Variants in AP3D1 observed in about 807,000 individuals in gnomAD.
AP3D1 encodes the protein AP-3 complex subunit delta-1.
AP3D1 carries 51 observed loss-of-function variants against 147.6 expected under a neutral mutation model. The ratio of observed to expected loss-of-function variants is 0.35; its 90% CI spans 0.28 to 0.44. The LOEUF (loss-of-function observed/expected upper bound fraction) is 0.44, where lower values mean the gene tolerates loss of function less well. Among genes scored for constraint, AP3D1 ranks in the 20% least tolerant of loss-of-function variants. The pLI, the probability that AP3D1 is intolerant of heterozygous loss-of-function variation, is 1.00. For synonymous variants in AP3D1, 760 were observed against 663.0 expected (o/e 1.15, Z -2.25); for missense variants, 1,421 against 1,624.2 (o/e 0.87, Z 2.15).
intron 10 of AP3D1, 42 bp from the exon 11 acceptor site, chr19:2,123,448 C>A: frequency 1.2e-6 from 2 of 1,607,140 alleles, no homozygotes; most frequent in East Asian, 2.2e-5. Flanking sequence ...ATCCTCTAAA[C>A]CAAGGGTGAG....
intron 1 of AP3D1, among the ~76,000 whole-genome samples, chr19:2,142,203 G>A (rs902236012): frequency 1.3e-5 from 2 of 151,848 alleles, no homozygotes; most frequent in African/African-American, 2.4e-5. Flanking sequence ...TTTTTAGAGG[G>A]GGTTTAGCCA....
At chr19:2,110,526 G>C (rs1446096811) in intron 27 of AP3D1, among the ~76,000 whole-genome samples, 181 bp downstream of exon 27, 3 of 152,098 alleles carry the variant, frequency 2.0e-5, no homozygotes. Flanking sequence ...GTCCATCCGA[G>C]GCCATTGCGC....
chr19:2,163,176 C>G (rs563371458), intron 1 of AP3D1, among the ~76,000 whole-genome samples: 1 of 152,130 alleles, frequency 6.6e-6, no homozygotes, highest in African/African-American at 2.4e-5. Context: ...TGGGTTCAAG[C>G]GATTCTCCTA....
At chr19:2,118,249 A>G (rs2018512651) in intron 15 of AP3D1, among the ~76,000 whole-genome samples, 1 of 152,130 alleles carries the variant, frequency 6.6e-6, no homozygotes, top group African/African-American at 2.4e-5. Flanking sequence ...AGTCTGCTCA[A>G]CCTAGAACCC....
chr19:2,116,641 G>T lies in AP3D1; in HGVS notation c.1965C>A (p.His655Gln). 1 of 1,604,032 alleles carries T rather than the reference G, an allele frequency of 6.2e-7. No individual in the cohort carries two copies. The highest frequency in any genetic ancestry group is 8.5e-7 in the Non-Finnish European group (1 of 1,175,710). Residue 655 changes from histidine to glutamine, a missense_variant, in exon 17 of 32, where the codon CAC becomes CAA. By Grantham distance (24) the His-to-Gln change is conservative. This residue lies in a region of AP3D1 where 791 missense variants were observed against 761.4 expected (regional missense o/e 1.04). Coordinates refer to ENST00000643116, the MANE Select transcript of AP3D1 (RefSeq NM_001261826.3). ...CTTCCTCGTCCGCCTCCGACGGCCG[G>T]TGCTTGGGACGCCGCTGCTCCTCCT... ...FHEEEQRRPK[H>Q]RPSEADEEEL...
At position 2,127,139 on chromosome 19, in the gene AP3D1, TG is replaced by T; in HGVS notation, c.856+12del. 3 of 1,613,192 alleles carry T rather than the reference TG, an allele frequency of 1.9e-6. No homozygotes were observed. The African/African-American group carries it at 4.0e-5, about 22-fold the overall frequency. ...TGCCAGCCCTTCCAGATGGGGAGAG[TG>T]CCAGTTCTCACCTGCAATCACGGTG... is the stretch of plus-strand genomic sequence containing the variant. On this transcript the variant is annotated intron_variant, in intron 9 of 31. Transcript: ENST00000643116.
intron 1 of AP3D1, among the ~76,000 whole-genome samples, chr19:2,158,669 A>C (rs1258478711): frequency 2.0e-5 from 3 of 150,254 alleles, no homozygotes; most frequent in Non-Finnish European, 4.4e-5. Flanking sequence ...GCAACGGCGC[A>C]ATCCGCTTAC....
intron 29 of AP3D1, 101 bp from the exon 30 acceptor site, chr19:2,109,308 C>T: frequency 6.9e-7 from 1 of 1,444,032 alleles, no homozygotes; most frequent in Non-Finnish European, 9.2e-7. Flanking sequence ...CGCTTGGACA[C>T]CCTCCTGTGT....
At chr19:2,107,238 C>A (rs2018135581) in intron 31 of AP3D1, among the ~76,000 whole-genome samples, 1 of 148,150 alleles carries the variant, frequency 6.7e-6, no homozygotes, top group Admixed American at 6.8e-5. Context: ...CCAGCCTGGG[C>A]GACAGAGTGA....
chr19:2,125,074 T>C (rs2018715477), intron 9 of AP3D1, among the ~76,000 whole-genome samples: 2 of 152,190 alleles, frequency 1.3e-5, no homozygotes, highest in African/African-American at 4.8e-5. Flanking sequence ...ATCTCAGAAA[T>C]CACCGCTAAA....
In AP3D1 at chr19:2,112,857, C is replaced by G; in HGVS notation, c.2787+3G>C. 6.2e-7 allele frequency: 1 copy of G among 1,607,958 alleles called. No homozygotes were observed. The highest frequency in any genetic ancestry group is 8.5e-7 in the Non-Finnish European group (1 of 1,176,944). ...ACAGCCCCTGGGGGAGTGACAGCCT[C>G]ACCTTGTCCTGGTCTTGCCCCTCGG... On this transcript the variant is annotated splice_donor_region_variant and intron_variant, in intron 24 of 31. Transcript: ENST00000643116.
intron 1 of AP3D1, among the ~76,000 whole-genome samples, chr19:2,144,187 A>T (rs2144547109): frequency 6.6e-6 from 1 of 152,180 alleles, no homozygotes; most frequent in Middle Eastern, 3.4e-3. Context: ...GTTACTATCC[A>T]CAATCACCAT....
intron 20 of AP3D1, among the ~76,000 whole-genome samples, 187 bp from the exon 21 acceptor site, chr19:2,115,008 C>A (rs2018400034): frequency 6.6e-6 from 1 of 152,182 alleles, no homozygotes; most frequent in Admixed American, 6.5e-5. Context: ...ACGCAGCCAA[C>A]CTGCATCTGC....
chr19:2,142,004 A>G (rs752561777), intron 1 of AP3D1, among the ~76,000 whole-genome samples: 16 of 149,084 alleles, frequency 1.1e-4, no homozygotes, highest in South Asian at 2.1e-4. Flanking sequence ...TTATTTACAT[A>G]TATGTTTATT....
At chr19:2,148,527 C>T (rs1336809129) in intron 1 of AP3D1, among the ~76,000 whole-genome samples, 2 of 152,244 alleles carry the variant, frequency 1.3e-5, no homozygotes, top group African/African-American at 4.8e-5. Context: ...AAAGAGGTCA[C>T]AGCCTGAGGA....
Position 2,123,386 on chromosome 19 carries a change from C to A in AP3D1, c.927G>T (p.Arg309Ser). 6.2e-7 allele frequency: 1 copy of A among 1,613,982 alleles called. No homozygotes were observed. Among genetic ancestry groups the A allele is most frequent in the African/African-American group, 1.3e-5 (1 of 75,036 alleles). The change falls in exon 11 of 32, where the codon AGG becomes AGT. Residue 309 changes from arginine (R) to serine (S), a missense_variant. Physicochemically the swap from Arg to Ser is moderately radical, Grantham distance 110 (BLOSUM62 -1). Around this residue, in one of 6 missense-constraint regions of AP3D1, gnomAD observed 292 missense variants for 412.0 expected, o/e 0.71. Coordinates refer to ENST00000643116, the MANE Select transcript of AP3D1 (RefSeq NM_001261826.3). Reference protein sequence around the residue: ...ASIQLCVQKLRILIEDSDQNL... With the variant: ...ASIQLCVQKLSILIEDSDQNL... ...TCTGATCGGAGTCCTCGATCAATAT[C>A]CTTAATTTCTGAACACAAAGCTGAA...
rs908296743 is a variant in AP3D1 at position 2,137,090 on chromosome 19, C to A, written c.275G>T (p.Arg92Leu). 1 of 1,582,070 alleles carries A rather than the reference C, an allele frequency of 6.3e-7. No individual in the cohort carries two copies. Among genetic ancestry groups the A allele is most frequent in the Non-Finnish European group, 8.6e-7 (1 of 1,164,216 alleles). Residue 92 changes from arginine to leucine, a missense_variant and splice_region_variant, in exon 4 of 32, where the codon CGA (arginine) becomes CTA (leucine). This residue lies in a region of AP3D1 where 292 missense variants were observed against 412.0 expected (regional missense o/e 0.71). Coordinates refer to ENST00000643116, the MANE Select transcript of AP3D1 (RefSeq NM_001261826.3). ...VMSASKFTFK[R>L]IGYLAASQSF... ...CTGGGAAGCAGCGAGGTAGCCAATT[C>A]GCTGGGAGAGAACAGATGAGCACAT...
intron 1 of AP3D1, among the ~76,000 whole-genome samples, chr19:2,143,448 G>A (rs1477737937): frequency 1.3e-5 from 2 of 151,502 alleles, no homozygotes; most frequent in African/African-American, 4.9e-5. Flanking sequence ...CGCCGTGTTA[G>A]CCAGGATGGT....
At position 2,137,191 on chromosome 19, in the gene AP3D1, G is replaced by T. The variant is rs115932068; in HGVS notation, c.274-100C>A. ...GACCACACCAGGCAGCGCCAGCCCA[G>T]AAGCAACACCCTGCAGCCTGGACGC... On this transcript the variant is annotated intron_variant, in intron 3 of 31. Coordinates refer to ENST00000643116, the MANE Select transcript of AP3D1 (RefSeq NM_001261826.3). 2,489 of 1,046,108 alleles carry T rather than the reference G, an allele frequency of 2.4e-3. 47 individuals carry two copies. The African/African-American group carries it at 0.036, about 15-fold the overall frequency. The allele number at this position is 1,046,108 out of a possible 1,614,324, so 64.8% of individuals were successfully genotyped here.
Sources: gnomAD v4.1 joint callset for allele counts (sites outside exome capture counted in the v4.1 genomes callset) on GRCh38, gnomAD v4.1.1 for gene constraint, gnomAD v4.1.1 regional missense constraint, MANE v1.5 for transcripts, NCBI Gene and HGNC (gene_info 2026-07-23, HGNC 2026-07-21) for gene names.